The following COL4A4 variants were observed in gnomAD, a reference collection of about 807,000 sequenced individuals.
COL4A4 encodes collagen alpha-4(IV) chain.
A neutral mutation model predicts 192.9 loss-of-function variants in COL4A4; 105 were observed. That is an observed-to-expected ratio of 0.54 (90% CI 0.46 to 0.64). The LOEUF (loss-of-function observed/expected upper bound fraction) is 0.64, where lower values mean the gene tolerates loss of function less well. Among genes scored for constraint, COL4A4 ranks in the 30% least tolerant of loss-of-function variants. COL4A4 has a pLI of 0.00. For missense variants in COL4A4, 1,967 were observed against 2,169.3 expected (o/e 0.91, Z 1.85); for synonymous variants, 762 against 769.9 (o/e 0.99, Z 0.17).
intron 25 of COL4A4, among the ~76,000 whole-genome samples, chr2:227,066,508 A>G (rs1415487002): frequency 6.6e-6 from 1 of 152,244 alleles, no homozygotes; most frequent in African/African-American, 2.4e-5. Flanking sequence ...TCAGACTAAC[A>G]GTGGATCTTT....
At position 227,012,198 on chromosome 2, in the gene COL4A4, C is replaced by T. The variant is rs1175615518; in HGVS notation, c.4316G>A (p.Gly1439Asp). ...AACTCTACCTGGTCCTCCAGGGTAG[C>T]CGTCTTCTCCTGTGTCACCTTTACG... ...PGRKGDTGED[G>D]YPGGPGPPGP... The change falls in exon 45 of 48, where the codon GGC (glycine) becomes GAC (aspartate). Residue 1439 changes from glycine to aspartate, a missense_variant. Gly to Asp is a moderately conservative substitution (Grantham distance 94). Transcript: ENST00000396625. 2 of 1,613,732 alleles carry T rather than the reference C, an allele frequency of 1.2e-6. No homozygotes were observed. The highest frequency in any genetic ancestry group is 1.1e-5 in the South Asian group (1 of 91,074).
chr2:226,988,595 G>A, the COL4A4 span: 7 of 1,361,040 alleles, frequency 5.1e-6, no homozygotes, highest in Non-Finnish European at 5.7e-6. Flanking sequence ...AGAAGAGGCC[G>A]GGGGCTCCAG....
intron 1 of COL4A4, among the ~76,000 whole-genome samples, chr2:227,149,847 T>C (rs544567367): frequency 6.6e-6 from 1 of 151,986 alleles, no homozygotes; most frequent in East Asian, 1.9e-4. Context: ...TACATTTTAA[T>C]TGGATGGATG....
chr2:226,996,745 TTTTTATAATTTTATATTACTG>T, the COL4A4 span: 1 of 152,224 alleles, frequency 6.6e-6, no homozygotes, highest in Non-Finnish European at 1.5e-5. Flanking sequence ...GCTTTCTTCA[TTTTTATAATTTTATATTACTG>T]TCTTGGAAGA....
Position 227,006,903 on chromosome 2 carries a change from T to C in COL4A4, c.*422A>G, listed in dbSNP as rs1265359631. ...TTCTAGTTTCATTCATTGACCTGTT[T>C]ATTTTTTCCTATAAAATCCATCCAG... is the stretch of plus-strand genomic sequence containing the variant. On this transcript the variant is annotated 3_prime_UTR_variant, in exon 48 of 48. Transcript: ENST00000396625. 1.1e-5 allele frequency: 2 copies of C among 175,140 alleles called. No individual in the cohort carries two copies. The highest frequency in any genetic ancestry group is 1.1e-4 in the Admixed American group (2 of 18,426). 10.8% of individuals were successfully genotyped at this position (175,140 alleles called of 1,614,324 possible).
At chr2:227,039,374 T>G (rs1364627467) in intron 37 of COL4A4, among the ~76,000 whole-genome samples, 1 of 152,178 alleles carries the variant, frequency 6.6e-6, no homozygotes, top group Middle Eastern at 3.2e-3. Context: ...TCGCTATATG[T>G]TGGCCAGGCT....
rs180928709 is a variant in COL4A4 at position 227,065,871 on chromosome 2, C to T, written c.1988-3273G>A. ...TCGCCAGCAATGGAACAAAGCTGGA[C>T]GGAGAATCACTTTGACGAGCTGAGA... is the stretch of plus-strand genomic sequence containing the variant. On this transcript the variant is annotated intron_variant, in intron 25 of 47. Transcript: ENST00000396625. Among the ~76,000 whole-genome samples, 561 of 152,352 alleles carry T rather than the reference C, an allele frequency of 3.7e-3. 2 individuals carry two copies. The highest frequency in any genetic ancestry group is 0.017 in the Middle Eastern group (5 of 294).
chr2:226,988,889 A>G, the COL4A4 span, among the ~76,000 whole-genome samples: 1 of 152,204 alleles, frequency 6.6e-6, no homozygotes, highest in African/African-American at 2.4e-5. Context: ...TCCTAATTCT[A>G]GATGCATCCA....
At chr2:227,030,648 G>A in intron 40 of COL4A4, 50 bp from the exon 41 acceptor site, 5 of 1,463,654 alleles carry the variant, frequency 3.4e-6, no homozygotes, top group East Asian at 2.3e-5. Context: ...AGACGAATGT[G>A]TATACTGGCT....
At chr2:227,117,039 C>G (rs1004176303) in intron 7 of COL4A4, among the ~76,000 whole-genome samples, 1 of 152,220 alleles carries the variant, frequency 6.6e-6, no homozygotes, top group South Asian at 2.1e-4. Flanking sequence ...ATATAACTGG[C>G]AAAGTTTCTA....
At chr2:227,019,085 G>A (rs917330109) in intron 44 of COL4A4, among the ~76,000 whole-genome samples, 13 of 152,182 alleles carry the variant, frequency 8.5e-5, no homozygotes, top group African/African-American at 3.1e-4. Context: ...TTGAGGTGGA[G>A]CAGTGCATTT....
At chr2:227,061,404 G>A (rs1977008688) in intron 26 of COL4A4, among the ~76,000 whole-genome samples, 1 of 152,212 alleles carries the variant, frequency 6.6e-6, no homozygotes, top group African/African-American at 2.4e-5. Context: ...TGTGGAGGGA[G>A]CCTGTGAGCT....
At chr2:227,139,264 T>C (rs1286298490) in intron 4 of COL4A4, among the ~76,000 whole-genome samples, 1 of 152,198 alleles carries the variant, frequency 6.6e-6, no homozygotes, top group African/African-American at 2.4e-5. Flanking sequence ...ACCCAGTCTA[T>C]GGTATTCTGT....
At chr2:227,112,378 C>T (rs1213989003) in intron 8 of COL4A4, among the ~76,000 whole-genome samples, 1 of 151,972 alleles carries the variant, frequency 6.6e-6, no homozygotes, top group Non-Finnish European at 1.5e-5. Flanking sequence ...AAGCAATTCT[C>T]CTGCCTCAGC....
chr2:227,121,434 G>A (rs530905495), intron 4 of COL4A4, among the ~76,000 whole-genome samples: 10 of 151,792 alleles, frequency 6.6e-5, no homozygotes, highest in Admixed American at 2.0e-4. Context: ...GCATGGTGGC[G>A]TGGGCCTGTA....
intron 25 of COL4A4, among the ~76,000 whole-genome samples, chr2:227,070,722 G>T (rs1453719978): frequency 7.7e-6 from 1 of 130,420 alleles, no homozygotes; most frequent in South Asian, 3.0e-4. Context: ...ACTGTTGTGG[G>T]GTGGGGGGAG....
intron 10 of COL4A4, 125 bp downstream of exon 10, chr2:227,109,099 C>A: frequency 1.0e-6 from 1 of 995,934 alleles, no homozygotes; most frequent in Non-Finnish European, 1.6e-6. Context: ...TGGGTTTTCA[C>A]TGATTCATCG....
At chr2:226,988,590 A>G in the COL4A4 span, 1 of 1,371,674 alleles carries the variant, frequency 7.3e-7, no homozygotes, top group East Asian at 2.8e-5. Flanking sequence ...ACATCAGAAG[A>G]GGCCGGGGGC....
chr2:227,147,371 A>T (rs1350664700), intron 2 of COL4A4, 42 bp downstream of exon 2: 3 of 1,551,820 alleles, frequency 1.9e-6, no homozygotes, highest in Non-Finnish European at 2.7e-6. Flanking sequence ...ATTGAGTAGA[A>T]ATTACTAAAT....
Sources: gnomAD v4.1 joint callset for allele counts (sites outside exome capture counted in the v4.1 genomes callset) on GRCh38, gnomAD v4.1.1 for gene constraint, MANE v1.5 for transcripts, NCBI Gene and HGNC (gene_info 2026-07-23, HGNC 2026-07-21) for gene names.